The following C1QTNF3 variants were observed in gnomAD, a reference collection of about 807,000 sequenced individuals.
The protein encoded by C1QTNF3 is complement C1q tumor necrosis factor-related protein 3.
Under a neutral mutation model 32.6 loss-of-function variants are expected in C1QTNF3, and 26 were observed. The observed-to-expected ratio is 0.80, with a 90% CI of 0.58 to 1.11. The LOEUF (loss-of-function observed/expected upper bound fraction) is 1.11, where lower values mean the gene tolerates loss of function less well. Ranked by LOEUF, C1QTNF3 falls within the 50% of genes least tolerant of loss-of-function variation. The pLI is 0.00. For missense variants in C1QTNF3, 362 were observed against 398.2 expected, an observed-to-expected ratio of 0.91 and a Z score of 0.77; for synonymous variants, 155 against 146.0, an observed-to-expected ratio of 1.06 and a Z score of -0.44.
At chr5:34,144,662 C>T in the C1QTNF3 span, among the ~76,000 whole-genome samples, 3 of 152,030 alleles carry the variant, frequency 2.0e-5, no homozygotes, top group Admixed American at 6.6e-5. Flanking sequence ...TAAAATTAAA[C>T]AATTTACTCC....
chr5:34,159,752 T>G, the C1QTNF3 span, among the ~76,000 whole-genome samples: 57 of 151,870 alleles, frequency 3.8e-4, no homozygotes, highest in African/African-American at 1.4e-3. Flanking sequence ...CCTGTACTAC[T>G]CCAGGTAAAC....
At chr5:34,212,475 G>A in the C1QTNF3 span, among the ~76,000 whole-genome samples, 38 of 151,908 alleles carry the variant, frequency 2.5e-4, no homozygotes, top group South Asian at 6.9e-3. Context: ...GCAACCTACA[G>A]AATGGGAGAA....
In C1QTNF3 at chr5:34,024,080, A is replaced by G. The variant is rs185537352; in HGVS notation, c.701-72T>C. Reference sequence around the variant, plus strand: ...ATTGAGGACCTGGAGATACCTGGAGATTTGCCAACTGCCTTCACATGTCTT... The same window carrying G: ...ATTGAGGACCTGGAGATACCTGGAGGTTTGCCAACTGCCTTCACATGTCTT... On this transcript the variant is annotated intron_variant, in intron 4 of 5. Coordinates refer to ENST00000382065, the MANE Select transcript of C1QTNF3 (RefSeq NM_181435.6). 3.8e-5 allele frequency: 44 copies of G among 1,158,204 alleles called. No individual in the cohort carries two copies. The East Asian group carries it at 1.0e-3, about 27-fold the overall frequency. The allele number at this position is 1,158,204 out of a possible 1,614,324, so 71.7% of individuals were successfully genotyped here.
the C1QTNF3 span, among the ~76,000 whole-genome samples, chr5:34,146,566 A>G: frequency 2.6e-5 from 4 of 152,226 alleles, no homozygotes; most frequent in Non-Finnish European, 4.4e-5. Flanking sequence ...AGCAATTGGG[A>G]TAGGACTACT....
the C1QTNF3 span, among the ~76,000 whole-genome samples, chr5:34,048,288 A>ATG: frequency 3.5e-5 from 2 of 57,664 alleles, no homozygotes; most frequent in Non-Finnish European, 6.6e-5. Flanking sequence ...GTGTGTGTGC[A>ATG]TGAGAGAGAG....
At chr5:34,232,996 G>C in the C1QTNF3 span, among the ~76,000 whole-genome samples, 2 of 146,482 alleles carry the variant, frequency 1.4e-5, no homozygotes. Context: ...TGTAACTACA[G>C]TGCATTTCTT....
At chr5:34,056,627 C>A in the C1QTNF3 span, among the ~76,000 whole-genome samples, 1 of 151,450 alleles carries the variant, frequency 6.6e-6, no homozygotes, top group Non-Finnish European at 1.5e-5. Context: ...ATCCTCCGAC[C>A]TCAGCTTCCC....
At chr5:34,170,695 G>A in the C1QTNF3 span, among the ~76,000 whole-genome samples, 1 of 152,096 alleles carries the variant, frequency 6.6e-6, no homozygotes, top group Non-Finnish European at 1.5e-5. Flanking sequence ...TTAATGGTAT[G>A]CAGTCATTAG....
Position 34,042,873 on chromosome 5 carries a change from G to C in C1QTNF3, c.253C>G (p.Pro85Ala). The C allele has an allele frequency of 3.1e-6, 5 of 1,614,116 alleles. No homozygotes were observed. The highest frequency in any genetic ancestry group is 4.2e-6 in the Non-Finnish European group (5 of 1,180,026). The change falls in exon 1 of 6, where the codon CCG (proline) becomes GCG (alanine). Residue 85 changes from proline to alanine, a missense_variant. Coordinates refer to ENST00000382065, the MANE Select transcript of C1QTNF3 (RefSeq NM_181435.6). Reference sequence around the variant, plus strand: ...GCTAGGTCATCTACCTCGGGGTGCGGTAGCTCATCTGGTCTCAGGGATTTT... The same window carrying C: ...GCTAGGTCATCTACCTCGGGGTGCGCTAGCTCATCTGGTCTCAGGGATTTT... ...DLKSLRPDEL[P>A]HPEVDDLAQI...
chr5:34,024,934 A>G (rs2112099213), intron 4 of C1QTNF3, among the ~76,000 whole-genome samples: 1 of 152,362 alleles, frequency 6.6e-6, no homozygotes, highest in Non-Finnish European at 1.5e-5. Context: ...TGGCCTTTCA[A>G]GACAATAACC....
chr5:34,061,466 T>C, the C1QTNF3 span, among the ~76,000 whole-genome samples: 1 of 152,176 alleles, frequency 6.6e-6, no homozygotes, highest in African/African-American at 2.4e-5. Context: ...TTCCACACTG[T>C]CCAAGCAGAG....
chr5:34,221,035 T>C, the C1QTNF3 span, among the ~76,000 whole-genome samples: 2 of 152,084 alleles, frequency 1.3e-5, no homozygotes, highest in Non-Finnish European at 1.5e-5. Context: ...GTAATATTGC[T>C]CCTAGCAGCC....
the C1QTNF3 span, among the ~76,000 whole-genome samples, chr5:34,147,770 C>A: frequency 6.6e-6 from 1 of 152,162 alleles, no homozygotes; most frequent in East Asian, 1.9e-4. Context: ...CATCACACAA[C>A]AGATTCGTGT....
At chr5:34,075,906 T>TAC in the C1QTNF3 span, among the ~76,000 whole-genome samples, 2,554 of 146,064 alleles carry the variant, frequency 0.017, 36 homozygotes, top group South Asian at 0.04. Flanking sequence ...TGTGTGTGTA[T>TAC]ACACACACAC....
the C1QTNF3 span, among the ~76,000 whole-genome samples, chr5:34,135,468 T>G: frequency 6.6e-6 from 1 of 152,174 alleles, no homozygotes; most frequent in Non-Finnish European, 1.5e-5. Context: ...CTTTTTCTAT[T>G]GATTGGAATA....
At chr5:34,114,465 T>C in the C1QTNF3 span, among the ~76,000 whole-genome samples, 2 of 152,222 alleles carry the variant, frequency 1.3e-5, no homozygotes, top group African/African-American at 4.8e-5. Flanking sequence ...ATATCAAAGA[T>C]ATATAATTCA....
chr5:34,156,470 C>T, the C1QTNF3 span, among the ~76,000 whole-genome samples: 31 of 152,236 alleles, frequency 2.0e-4, no homozygotes, highest in East Asian at 5.4e-3. Context: ...ATTTCAAATG[C>T]AGAAAAACTG....
At chr5:34,148,097 A>G in the C1QTNF3 span, among the ~76,000 whole-genome samples, 1 of 151,166 alleles carries the variant, frequency 6.6e-6, no homozygotes, top group African/African-American at 2.4e-5. Flanking sequence ...GGGGTGACGG[A>G]CGCACCTGGA....
At chr5:34,103,032 A>G in the C1QTNF3 span, among the ~76,000 whole-genome samples, 1 of 152,212 alleles carries the variant, frequency 6.6e-6, no homozygotes, top group Non-Finnish European at 1.5e-5. Context: ...TTCTCTGGAC[A>G]ATCAGTTTTT....
Sources: allele counts gnomAD v4.1 joint callset (sites outside exome capture counted in the v4.1 genomes callset), GRCh38; gene constraint gnomAD v4.1.1; transcripts MANE v1.5; gene names NCBI Gene and HGNC (gene_info 2026-07-23, HGNC 2026-07-21).